RRP1B: variants seen among roughly 807,000 people sequenced by gnomAD.
RRP1B encodes ribosomal RNA processing protein 1 homolog B.
Under a neutral mutation model 80.2 loss-of-function variants are expected in RRP1B, and 56 were observed. The ratio of observed to expected loss-of-function variants is 0.70; its 90% confidence interval spans 0.56 to 0.87. RRP1B has a LOEUF of 0.87. RRP1B is among the 40% of genes least tolerant of loss of function. RRP1B has a pLI of 0.00. For missense variants in RRP1B, 807 were observed against 939.8 expected (o/e 0.86, Z 1.85); for synonymous variants, 351 against 357.6 (o/e 0.98, Z 0.21).
chr21:43,693,479 G>A lies in RRP1B; in HGVS notation c.*96G>A. Reference sequence around the variant, plus strand: ...TGGGGCCTTTTTTATGATTTTGTAAGTTCCCATAAGTTGTGTGCACGAGGT... The same window carrying A: ...TGGGGCCTTTTTTATGATTTTGTAAATTCCCATAAGTTGTGTGCACGAGGT... On this transcript the variant is annotated 3_prime_UTR_variant, in exon 16 of 16. Transcript: ENST00000340648. This position sits in a 1 kb window ranked among gnomAD's most constrained non-coding sequence, Gnocchi z 4.1. 1 of 1,251,626 alleles carries A rather than the reference G, an allele frequency of 8.0e-7. No homozygotes were observed. Among genetic ancestry groups the A allele is most frequent in the Non-Finnish European group, 1.1e-6 (1 of 939,788 alleles). The allele number at this position is 1,251,626 out of a possible 1,614,324, so 77.5% of individuals were successfully genotyped here.
intron 8 of RRP1B, among the ~76,000 whole-genome samples, chr21:43,682,912 G>A (rs185278528): frequency 3.3e-4 from 50 of 152,020 alleles, no homozygotes; most frequent in Admixed American, 2.0e-3. Flanking sequence ...TCTCGTTGTC[G>A]CCCGGGCTGG....
Position 43,693,206 on chromosome 21 carries a change from CAA to C in RRP1B, c.2101_2102del (p.Lys701GlufsTer17), listed in dbSNP as rs771120442. 17 of 1,613,880 alleles carry C rather than the reference CAA, an allele frequency of 1.1e-5. No homozygotes were observed. The highest frequency in any genetic ancestry group is 7.7e-5 in the South Asian group (7 of 91,060). On this transcript the variant is annotated frameshift_variant, in exon 16 of 16. Coordinates refer to ENST00000340648, the MANE Select transcript of RRP1B (RefSeq NM_015056.3). LOFTEE classifies it high-confidence loss of function. This position sits in a 1 kb window ranked among gnomAD's most constrained non-coding sequence, Gnocchi z 4.1. ...NMTAEFKKTD[K>X]SILVSPTGPS... is the part of the protein sequence containing the mutation. The stretch of plus-strand genomic sequence containing the variant: ...TTGGGACAGAATTCAAGAAGACAGA[CAA>C]GAGTATCTTGGTCAGTCCCACGGGC...
intron 3 of RRP1B, 120 bp from the exon 4 acceptor site, chr21:43,673,750 A>G: frequency 1.6e-6 from 1 of 610,114 alleles, no homozygotes. Flanking sequence ...TAGCTGCCCA[A>G]GAATTACTGA....
At chr21:43,666,513 CTG>C (rs1026342897) in intron 1 of RRP1B, among the ~76,000 whole-genome samples, 5 of 152,148 alleles carry the variant, frequency 3.3e-5, no homozygotes, top group Non-Finnish European at 7.3e-5. Context: ...GGTCAAGAGA[CTG>C]AGACCATCCT....
intron 2 of RRP1B, among the ~76,000 whole-genome samples, chr21:43,671,258 G>A (rs997579239): frequency 6.6e-6 from 1 of 152,170 alleles, no homozygotes; most frequent in African/African-American, 2.4e-5. Flanking sequence ...CAAGCTGTAG[G>A]GAGGACTTTC....
At chr21:43,688,919 A>C (rs892341585) in intron 13 of RRP1B, among the ~76,000 whole-genome samples, 2 of 152,240 alleles carry the variant, frequency 1.3e-5, no homozygotes, top group Non-Finnish European at 2.9e-5. Context: ...CCTCCCAAGT[A>C]GCTGGAATTA....
intron 13 of RRP1B, 97 bp downstream of exon 13, chr21:43,688,337 G>A (rs568424717): frequency 1.4e-5 from 19 of 1,406,656 alleles, no homozygotes; most frequent in African/African-American, 5.8e-5. Context: ...GGGGGCTGGC[G>A]GCCAGGCCTC....
chr21:43,677,009 G>T, intron 8 of RRP1B, 95 bp downstream of exon 8: 2 of 1,244,218 alleles, frequency 1.6e-6, no homozygotes, highest in Non-Finnish European at 2.3e-6. Context: ...CTTACTGAAT[G>T]CAACCTAGAG....
intron 3 of RRP1B, 85 bp from the exon 4 acceptor site, chr21:43,673,785 A>AGTTT: frequency 1.3e-6 from 1 of 768,012 alleles, no homozygotes; most frequent in Non-Finnish European, 2.2e-6. Context: ...AAATAATGCT[A>AGTTT]GTTTGTTCCT....
chr21:43,675,418 C>T (rs1392615023), intron 6 of RRP1B, among the ~76,000 whole-genome samples: 1 of 152,026 alleles, frequency 6.6e-6, no homozygotes, highest in Non-Finnish European at 1.5e-5. Flanking sequence ...CTCACTAACA[C>T]GGGGGAGTAC....
intron 1 of RRP1B, among the ~76,000 whole-genome samples, chr21:43,663,377 C>T (rs542754658): frequency 1.8e-4 from 27 of 151,676 alleles, no homozygotes; most frequent in African/African-American, 6.3e-4. Flanking sequence ...GCAATTCTCC[C>T]GCCTCACCCT....
At chr21:43,670,296 C>G (rs1360872797) in intron 2 of RRP1B, among the ~76,000 whole-genome samples, 1 of 152,230 alleles carries the variant, frequency 6.6e-6, no homozygotes, top group Non-Finnish European at 1.5e-5. Context: ...GATGGCATGA[C>G]AGGAGCACTA....
chr21:43,660,112 G>A (rs2082944550), intron 1 of RRP1B, among the ~76,000 whole-genome samples: 2 of 152,204 alleles, frequency 1.3e-5, no homozygotes, highest in Non-Finnish European at 2.9e-5. Context: ...GTGTCCGGTC[G>A]GTGATTGCCG....
In RRP1B at chr21:43,693,540, C is replaced by T; in HGVS notation, c.*157C>T. ...CCCGCAGGCTGCTGCGTCCTGGCCC[C>T]TCTGTAGTGGCTGCGGGCGTCTTGG... On this transcript the variant is annotated 3_prime_UTR_variant, in exon 16 of 16. Coordinates refer to ENST00000340648, the MANE Select transcript of RRP1B (RefSeq NM_015056.3). The surrounding 1 kb of genome is among the most constrained non-coding windows in gnomAD (Gnocchi z 4.1). The T allele has an allele frequency of 3.2e-6, 2 of 634,754 alleles. No individual in the cohort carries two copies. The highest frequency in any genetic ancestry group is 2.6e-5 in the South Asian group (1 of 38,382). The allele number at this position is 634,754 out of a possible 1,614,324, so 39.3% of individuals were successfully genotyped here. A position where few individuals can be genotyped will look rare whatever the true frequency, so the allele number is the denominator to read the frequency against.
At chr21:43,682,256 C>T (rs986094759) in intron 8 of RRP1B, among the ~76,000 whole-genome samples, 2 of 152,202 alleles carry the variant, frequency 1.3e-5, no homozygotes, top group Non-Finnish European at 2.9e-5. Flanking sequence ...GACACAGACT[C>T]TCTTCCAAGT....
chr21:43,692,554 G>A (rs181688177), intron 15 of RRP1B, among the ~76,000 whole-genome samples: 8 of 150,834 alleles, frequency 5.3e-5, no homozygotes, highest in Middle Eastern at 3.4e-3. Flanking sequence ...AGCCAAGATC[G>A]TTTCACTGCA....
intron 9 of RRP1B, among the ~76,000 whole-genome samples, chr21:43,684,073 T>TA (rs1179845904): frequency 4.9e-5 from 7 of 141,482 alleles, no homozygotes; most frequent in Non-Finnish European, 1.0e-4. Flanking sequence ...TTCCCAAGAA[T>TA]AATTTTTTTT....
rs757075880 is a variant in RRP1B, at chr21:43,685,754, A to G, written c.990-16A>G. ...GTTATTTTTTTATTTTTTATTTTTT[A>G]TTTTTTTATTTTTAGATTCCAAGAC... On this transcript the variant is annotated splice_polypyrimidine_tract_variant and intron_variant, in intron 10 of 15. Coordinates refer to ENST00000340648, the MANE Select transcript of RRP1B (RefSeq NM_015056.3). The G allele has an allele frequency of 4.8e-5, 72 of 1,488,338 alleles. No individual in the cohort carries two copies. The highest frequency in any genetic ancestry group is 5.8e-5 in the Non-Finnish European group (65 of 1,115,428). 92.2% of individuals were successfully genotyped at this position (1,488,338 alleles called of 1,614,324 possible). A position where few individuals can be genotyped will look rare whatever the true frequency, so the allele number is the denominator to read the frequency against.
intron 13 of RRP1B, among the ~76,000 whole-genome samples, chr21:43,689,957 C>T (rs1303114052): frequency 6.6e-6 from 1 of 152,286 alleles, no homozygotes; most frequent in Non-Finnish European, 1.5e-5. Context: ...AGTGACGATT[C>T]AGCTACAAAT....
Sources: allele counts gnomAD v4.1 joint callset (sites outside exome capture counted in the v4.1 genomes callset), GRCh38; gene constraint gnomAD v4.1.1; non-coding constraint Gnocchi (gnomAD v3.1); transcripts MANE v1.5; gene names NCBI Gene and HGNC (gene_info 2026-07-23, HGNC 2026-07-21).